BBS4: variants seen among roughly 807,000 people sequenced by gnomAD.
BBS4 encodes the protein BBSome complex member BBS4.
Under a neutral mutation model 71.4 loss-of-function variants are expected in BBS4, and 58 were observed. The observed-to-expected ratio is 0.81, with a 90% CI of 0.66 to 1.01. BBS4 has a LOEUF of 1.01. Among genes scored for constraint, BBS4 ranks in the 50% least tolerant of loss-of-function variants. The pLI is 0.00. For missense variants in BBS4, 660 were observed against 607.9 expected (o/e 1.09, Z -0.90); for synonymous variants, 228 against 216.8 (o/e 1.05, Z -0.46).
chr15:72,723,486 G>C (rs1434783180), intron 7 of BBS4, among the ~76,000 whole-genome samples: 1 of 152,184 alleles, frequency 6.6e-6, no homozygotes, highest in Non-Finnish European at 1.5e-5. Context: ...GCGTTGGGTA[G>C]TTTCCTTCAT....
chr15:72,697,890 C>A, intron 2 of BBS4: 1 of 436,236 alleles, frequency 2.3e-6, no homozygotes, highest in Non-Finnish European at 4.7e-6. Context: ...CAAGAACAGG[C>A]AATGAAATTA....
intron 2 of BBS4, among the ~76,000 whole-genome samples, chr15:72,706,454 G>A (rs144192898): frequency 1.6e-3 from 240 of 152,162 alleles, no homozygotes; most frequent in African/African-American, 5.4e-3. Context: ...TATTTATGAC[G>A]GTGCACTTTA....
At chr15:72,686,485 G>T in intron 1 of BBS4, 1 of 1,526,184 alleles carries the variant, frequency 6.6e-7, no homozygotes, top group Non-Finnish European at 8.8e-7. Flanking sequence ...CTTGGGGTGC[G>T]CTGGACGGAG....
At chr15:72,708,140 G>C (rs922018258) in intron 2 of BBS4, among the ~76,000 whole-genome samples, 4 of 152,038 alleles carry the variant, frequency 2.6e-5, no homozygotes, top group African/African-American at 9.6e-5. Flanking sequence ...CTAATTTTTT[G>C]TATTTTTAGT....
chr15:72,690,194 A>G (rs186656902), intron 1 of BBS4, among the ~76,000 whole-genome samples: 12 of 152,338 alleles, frequency 7.9e-5, no homozygotes, highest in African/African-American at 2.4e-4. Flanking sequence ...GATTAAACTG[A>G]TAAGAGCAGA....
chr15:72,698,645 G>A (rs2065119259), intron 2 of BBS4, among the ~76,000 whole-genome samples: 1 of 152,086 alleles, frequency 6.6e-6, no homozygotes, highest in South Asian at 2.1e-4. Context: ...GGGCATTTGG[G>A]TTGTTTTCCT....
At chr15:72,701,101 G>A (rs533232546) in intron 2 of BBS4, among the ~76,000 whole-genome samples, 110 of 152,224 alleles carry the variant, frequency 7.2e-4, no homozygotes, top group Non-Finnish European at 6.3e-4. Context: ...CCTCCAGGCC[G>A]CCTCCTTATT....
rs1352283325 is a variant in BBS4, at chr15:72,737,939, G to T, written c.*352G>T. ...TCCTAGCTGACTGACTCCTTCCTTA[G>T]TTCAAGGAACAGCTGAGACAGACCT... On this transcript the variant is annotated 3_prime_UTR_variant, in exon 16 of 16. Coordinates refer to ENST00000268057, the MANE Select transcript of BBS4 (RefSeq NM_033028.5). The T allele has an allele frequency of 2.2e-6, 1 of 455,816 alleles. No homozygotes were observed. Among genetic ancestry groups the T allele is most frequent in the Admixed American group, 2.3e-5 (1 of 42,608 alleles). 28.2% of individuals were successfully genotyped at this position (455,816 alleles called of 1,614,324 possible).
intron 2 of BBS4, among the ~76,000 whole-genome samples, chr15:72,708,489 A>G (rs2065305772): frequency 6.6e-6 from 1 of 152,184 alleles, no homozygotes; most frequent in Non-Finnish European, 1.5e-5. Context: ...CAGGGCCACT[A>G]TGATAATTGT....
intron 8 of BBS4, 42 bp downstream of exon 8, chr15:72,724,697 A>C (rs1317060682): frequency 6.2e-7 from 1 of 1,610,642 alleles, no homozygotes; most frequent in Non-Finnish European, 8.5e-7. Flanking sequence ...GAAACTAAAA[A>C]AATTGAGTGG....
At chr15:72,728,135 A>G in intron 9 of BBS4, 141 bp downstream of exon 9, 1 of 658,410 alleles carries the variant, frequency 1.5e-6, no homozygotes. Flanking sequence ...TCTATTCGAT[A>G]CTCTTTGCTA....
chr15:72,690,501 A>C (rs1323898486), intron 1 of BBS4, among the ~76,000 whole-genome samples: 1 of 152,242 alleles, frequency 6.6e-6, no homozygotes, highest in Non-Finnish European at 1.5e-5. Flanking sequence ...TGAGTCTTTA[A>C]CATTCTTTAG....
rs1042162548 is a variant in BBS4, at chr15:72,738,144, G to A, written c.*557G>A. 2 of 451,342 alleles carry A rather than the reference G, an allele frequency of 4.4e-6. No homozygotes were observed. The highest frequency in any genetic ancestry group is 3.1e-5 in the South Asian group (2 of 64,002). The allele number at this position is 451,342 out of a possible 1,614,324, so 28.0% of individuals were successfully genotyped here. A position where few individuals can be genotyped will look rare whatever the true frequency, so the allele number is the denominator to read the frequency against. On this transcript the variant is annotated 3_prime_UTR_variant, in exon 16 of 16. Transcript: ENST00000268057. ...GTTGAGGCCAAGCCTGCTGAGTATT[G>A]CAGCTGCATTTGCCCAAAGGGAATC...
intron 10 of BBS4, among the ~76,000 whole-genome samples, 194 bp from the exon 11 acceptor site, chr15:72,731,111 A>G (rs996219277): frequency 1.8e-5 from 2 of 113,908 alleles, no homozygotes; most frequent in African/African-American, 3.5e-5. Flanking sequence ...TGTGCCAGAG[A>G]GCCACAGTGT....
chr15:72,713,143 C>T (rs76016475), intron 4 of BBS4, among the ~76,000 whole-genome samples: 2,391 of 151,922 alleles, frequency 0.016, 32 homozygotes, highest in Non-Finnish European at 0.025. Context: ...GCATGAGCTA[C>T]GACACCTGGC....
chr15:72,731,226 G>A (rs949806134), intron 10 of BBS4, 79 bp from the exon 11 acceptor site: 1 of 1,588,226 alleles, frequency 6.3e-7, no homozygotes, highest in Non-Finnish European at 8.6e-7. Flanking sequence ...GGCCTGCTGA[G>A]TATAGACTCA....
intron 6 of BBS4, among the ~76,000 whole-genome samples, chr15:72,718,938 A>G (rs2065514926): frequency 6.6e-6 from 1 of 152,204 alleles, no homozygotes; most frequent in East Asian, 1.9e-4. Flanking sequence ...CTGAAACTCA[A>G]GTGTTTTGGA....
Position 72,735,177 on chromosome 15 carries a change from G to T in BBS4, c.1101G>T (p.Leu367=). 1 of 1,613,042 alleles carries T rather than the reference G, an allele frequency of 6.2e-7. No individual in the cohort carries two copies. Among genetic ancestry groups the T allele is most frequent in the Non-Finnish European group, 8.5e-7 (1 of 1,179,188 alleles). ...AKRAYAEAVH[L]DKCNPLVNLN... ...GAGCCTACGCAGAAGCAGTCCACCT[G>T]GATAAGTATGCACTTTGTTGAGAAT... The change falls in exon 13 of 16, where the codon CTG becomes CTT. Residue 367 remains leucine, a synonymous_variant. Coordinates refer to ENST00000268057, the MANE Select transcript of BBS4 (RefSeq NM_033028.5).
At chr15:72,719,404 G>A (rs2065524587) in intron 6 of BBS4, among the ~76,000 whole-genome samples, 1 of 151,674 alleles carries the variant, frequency 6.6e-6, no homozygotes. Context: ...ACAGGTGCAA[G>A]CCACCATGCC....
Sources: gnomAD v4.1 joint callset for allele counts (sites outside exome capture counted in the v4.1 genomes callset) on GRCh38, gnomAD v4.1.1 for gene constraint, MANE v1.5 for transcripts, NCBI Gene and HGNC (gene_info 2026-07-23, HGNC 2026-07-21) for gene names.